DLGAP1: variants seen among roughly 807,000 people sequenced by gnomAD.
DLGAP1 encodes the protein DLG associated protein 1, also known as disks large-associated protein 1.
DLGAP1 carries 11 observed loss-of-function variants against 90.8 expected under a neutral mutation model. That is an observed-to-expected ratio of 0.12 (90% CI 0.08 to 0.20). The LOEUF (loss-of-function observed/expected upper bound fraction) is 0.20, where lower values mean the gene tolerates loss of function less well. Ranked by LOEUF, DLGAP1 falls within the 10% of genes least tolerant of loss-of-function variation. The pLI is 1.00. For synonymous variants in DLGAP1, 558 were observed against 540.7 expected (o/e 1.03, Z -0.44); for missense variants, 1,050 against 1,333.8 (o/e 0.79, Z 3.31).
At chr18:3,623,718 A>G (rs946120685) in intron 7 of DLGAP1, among the ~76,000 whole-genome samples, 3 of 145,088 alleles carry the variant, frequency 2.1e-5, no homozygotes, top group Non-Finnish European at 4.5e-5. Context: ...CGGAGCTTGC[A>G]GTGAGCCGAG....
chr18:4,382,976 G>A (rs933811685), intron 1 of DLGAP1, among the ~76,000 whole-genome samples: 37 of 152,090 alleles, frequency 2.4e-4, no homozygotes, highest in Non-Finnish European at 4.6e-4. Flanking sequence ...TGTATATAGG[G>A]CCAGCCAGTA....
intron 3 of DLGAP1, among the ~76,000 whole-genome samples, chr18:3,897,376 G>T (rs1262358499): frequency 6.6e-6 from 1 of 152,180 alleles, no homozygotes; most frequent in East Asian, 1.9e-4. Context: ...ATCCACAAAA[G>T]CTAGTAAAAG....
chr18:3,985,856 T>C lies in DLGAP1; in HGVS notation c.-73+19260A>G, dbSNP rs534403613. On this transcript the variant is annotated intron_variant, in intron 3 of 12. Transcript: ENST00000315677. ...TTAAGGCATACACTTAAATGAATTT[T>C]CTCCCATGCCTCTCTCCCTCCCCCA... 1.1e-4 allele frequency among the ~76,000 whole-genome samples: 16 copies of C among 152,264 alleles called. No homozygotes were observed. In the East Asian group the frequency reaches 2.7e-3, roughly 26 times the overall value.
intron 6 of DLGAP1, among the ~76,000 whole-genome samples, chr18:3,738,838 A>C (rs1402138459): frequency 6.7e-6 from 1 of 148,460 alleles, no homozygotes; most frequent in African/African-American, 2.5e-5. Flanking sequence ...GTGAACAGGC[A>C]ACCTACAAAA....
At position 4,387,923 on chromosome 18, in the gene DLGAP1, T is replaced by TCTCACACACA. The variant is rs766869482; in HGVS notation, c.-267+67082_-267+67083insTGTGTGTGAG. 1.1e-3 allele frequency among the ~76,000 whole-genome samples: 36 copies of TCTCACACACA among 33,684 alleles called. No homozygotes were observed. In the East Asian group the frequency reaches 0.02, roughly 19 times the overall value. 22.1% of individuals were successfully genotyped at this position (33,684 alleles called of 152,430 possible). Reference sequence around the variant, plus strand: ...TCCAGCCTGGGTGACAGAGACTCCATCACACATACACACACACACACACAC... The same window carrying TCTCACACACA: ...TCCAGCCTGGGTGACAGAGACTCCATCTCACACACACACACATACACACACACACACACAC... On this transcript the variant is annotated intron_variant, in intron 1 of 12. Coordinates refer to ENST00000315677, the MANE Select transcript of DLGAP1 (RefSeq NM_004746.4).
chr18:4,079,718 G>T (rs2075577502), intron 2 of DLGAP1, among the ~76,000 whole-genome samples: 1 of 147,924 alleles, frequency 6.8e-6, no homozygotes, highest in Non-Finnish European at 1.5e-5. Context: ...ATATATAAAA[G>T]AAAATCAGTG....
At chr18:3,743,745 G>A (rs1337512760) in intron 5 of DLGAP1, among the ~76,000 whole-genome samples, 2 of 152,254 alleles carry the variant, frequency 1.3e-5, no homozygotes, top group Non-Finnish European at 2.9e-5. Flanking sequence ...CCGCCTCCTA[G>A]GTTCAAGCAA....
At position 3,766,830 on chromosome 18, in the gene DLGAP1, G is replaced by A. The variant is rs563525286; in HGVS notation, c.1173-24318C>T. On this transcript the variant is annotated intron_variant, in intron 5 of 12. Transcript: ENST00000315677. ...TGAGACACAGCTAAATCAGTGTTGA[G>A]AGGGAAACGTATAGCACTAAATGTA... is the stretch of plus-strand genomic sequence containing the variant. Among the ~76,000 whole-genome samples the A allele has an allele frequency of 1.2e-3, 182 of 152,220 alleles. 1 individual carries two copies. Among genetic ancestry groups the A allele is most frequent in the African/African-American group, 4.1e-3 (172 of 41,516 alleles).
rs116659613 is a variant in DLGAP1 at position 3,921,470 on chromosome 18, G to A, written c.-72-41330C>T. Among the ~76,000 whole-genome samples, 1,339 of 152,298 alleles carry A rather than the reference G, an allele frequency of 8.8e-3. 12 individuals carry two copies. Among genetic ancestry groups the A allele is most frequent in the African/African-American group, 0.026 (1,068 of 41,570 alleles). The stretch of plus-strand genomic sequence containing the variant: ...TGTAGACTCAGAAGACAGGTTTGAA[G>A]TCTGGCTCTATCCAATTCTATATAT... On this transcript the variant is annotated intron_variant, in intron 3 of 12. Coordinates refer to ENST00000315677, the MANE Select transcript of DLGAP1 (RefSeq NM_004746.4).
chr18:3,765,370 TCTGC>T (rs2064189490), intron 5 of DLGAP1, among the ~76,000 whole-genome samples: 1 of 150,870 alleles, frequency 6.6e-6, no homozygotes, highest in African/African-American at 2.4e-5. Flanking sequence ...GACCTCATGA[TCTGC>T]CCACCTTGGC....
At chr18:3,750,346 A>G (rs1156589009) in intron 5 of DLGAP1, among the ~76,000 whole-genome samples, 2 of 152,188 alleles carry the variant, frequency 1.3e-5, no homozygotes, top group Non-Finnish European at 2.9e-5. Context: ...TGTATGCACC[A>G]TATTTCTTTA....
intron 4 of DLGAP1, among the ~76,000 whole-genome samples, chr18:3,827,251 T>C (rs2067769280): frequency 6.6e-6 from 1 of 151,980 alleles, no homozygotes; most frequent in African/African-American, 2.4e-5. Context: ...TGAGTGTTGG[T>C]AGAAGAGAGA....
At chr18:4,198,948 A>C (rs1271564734) in intron 1 of DLGAP1, among the ~76,000 whole-genome samples, 1 of 152,230 alleles carries the variant, frequency 6.6e-6, no homozygotes, top group Non-Finnish European at 1.5e-5. Flanking sequence ...AGAGGTGTGC[A>C]TTGTAGTGGG....
In DLGAP1 at chr18:3,499,197, C is replaced by T. The variant is rs1170065859; in HGVS notation, c.2922G>A (p.Gln974=). The T allele has an allele frequency of 1.9e-6, 3 of 1,584,926 alleles. No homozygotes were observed. The Admixed American group carries it at 5.2e-5, about 27-fold the overall frequency. The change falls in exon 13 of 13, where the codon CAG becomes CAA. Residue 974 remains glutamine (Q), a synonymous_variant. Coordinates refer to ENST00000315677, the MANE Select transcript of DLGAP1 (RefSeq NM_004746.4). The surrounding 1 kb of genome is among the most constrained non-coding windows in gnomAD (Gnocchi z 6.4). ...GGCTGCGGGGCGCTCAGAGCCGGGT[C>T]TGCGCCTCGGGGATGTAGATCTCGA... is the stretch of plus-strand genomic sequence containing the variant. ...ESIEIYIPEA[Q]TRL
At chr18:4,237,089 A>G (rs1045454572) in intron 1 of DLGAP1, among the ~76,000 whole-genome samples, 1 of 152,178 alleles carries the variant, frequency 6.6e-6, no homozygotes, top group Non-Finnish European at 1.5e-5. Context: ...GCTATCGAGT[A>G]GCTCAGTGTT....
intron 1 of DLGAP1, among the ~76,000 whole-genome samples, chr18:4,355,566 AACACACACTGTCTC>A (rs1373061104): frequency 2.0e-5 from 3 of 152,046 alleles, no homozygotes; most frequent in African/African-American, 7.2e-5. Context: ...AATTAAATGG[AACACACACTGTCTC>A]ACACACACTC....
At chr18:4,204,628 C>A (rs566788568) in intron 1 of DLGAP1, among the ~76,000 whole-genome samples, 1 of 152,092 alleles carries the variant, frequency 6.6e-6, no homozygotes, top group South Asian at 2.1e-4. Context: ...CTTGCTTAAC[C>A]TTGAAAGATA....
chr18:3,692,953 C>G (rs574662355), intron 7 of DLGAP1, among the ~76,000 whole-genome samples: 1 of 152,324 alleles, frequency 6.6e-6, no homozygotes, highest in East Asian at 1.9e-4. Flanking sequence ...AGCCACGCAG[C>G]ATGACTATCA....
intron 7 of DLGAP1, among the ~76,000 whole-genome samples, chr18:3,682,603 C>T (rs1377077372): frequency 6.6e-6 from 1 of 152,188 alleles, no homozygotes; most frequent in Non-Finnish European, 1.5e-5. Context: ...TCCTGACTCT[C>T]TCTAAGAAGG....
Sources: allele counts gnomAD v4.1 joint callset (sites outside exome capture counted in the v4.1 genomes callset), GRCh38; gene constraint gnomAD v4.1.1; non-coding constraint Gnocchi (gnomAD v3.1); transcripts MANE v1.5; gene names NCBI Gene and HGNC (gene_info 2026-07-23, HGNC 2026-07-21).